Variants in GALNTL6 observed in about 807,000 individuals in gnomAD.
The protein encoded by GALNTL6 is polypeptide N-acetylgalactosaminyltransferase-like 6.
A neutral mutation model predicts 73.7 loss-of-function variants in GALNTL6; 46 were observed. The ratio of observed to expected loss-of-function variants is 0.62; its 90% CI spans 0.49 to 0.80. The LOEUF (loss-of-function observed/expected upper bound fraction) is 0.80, where lower values mean the gene tolerates loss of function less well. Ranked by LOEUF, GALNTL6 falls within the 30% of genes least tolerant of loss-of-function variation. GALNTL6 has a pLI of 0.00. For missense variants in GALNTL6, 604 were observed against 755.0 expected, an observed-to-expected ratio of 0.80 and a Z score of 2.34; for synonymous variants, 259 against 263.7, an observed-to-expected ratio of 0.98 and a Z score of 0.17.
chr4:172,599,244 A>G (rs1351378520), intron 5 of GALNTL6, among the ~76,000 whole-genome samples: 4 of 152,154 alleles, frequency 2.6e-5, no homozygotes, highest in African/African-American at 9.7e-5. Flanking sequence ...CAGACCAAGT[A>G]TGTCCTGCTC....
At chr4:172,159,666 TTTG>T (rs1734393561) in intron 2 of GALNTL6, among the ~76,000 whole-genome samples, 1 of 152,102 alleles carries the variant, frequency 6.6e-6, no homozygotes, top group Non-Finnish European at 1.5e-5. Flanking sequence ...AGGCTGGAGT[TTTG>T]TTAAGTGAGG....
At chr4:172,851,012 A>T (rs972215529) in intron 7 of GALNTL6, among the ~76,000 whole-genome samples, 1 of 152,112 alleles carries the variant, frequency 6.6e-6, no homozygotes, top group East Asian at 1.9e-4. Context: ...TGGCAGTTTC[A>T]TCACATAGGC....
intron 2 of GALNTL6, among the ~76,000 whole-genome samples, chr4:172,065,439 G>A (rs1312736449): frequency 3.3e-5 from 5 of 152,050 alleles, no homozygotes; most frequent in East Asian, 3.9e-4. Flanking sequence ...GGGGACCCCT[G>A]CACTGTATTA....
intron 7 of GALNTL6, among the ~76,000 whole-genome samples, chr4:172,847,006 A>G (rs1710918155): frequency 6.6e-6 from 1 of 151,720 alleles, no homozygotes; most frequent in African/African-American, 2.4e-5. Flanking sequence ...TGTTCCTGAC[A>G]TAGGTTTTTG....
intron 3 of GALNTL6, among the ~76,000 whole-genome samples, chr4:172,296,299 AT>A (rs1739670339): frequency 1.3e-5 from 2 of 152,286 alleles, no homozygotes; most frequent in African/African-American, 4.8e-5. Context: ...CCAACATTGT[AT>A]TTTTGGAATA....
At chr4:172,710,093 A>C (rs945651115) in intron 5 of GALNTL6, among the ~76,000 whole-genome samples, 1 of 152,150 alleles carries the variant, frequency 6.6e-6, no homozygotes, top group Non-Finnish European at 1.5e-5. Flanking sequence ...ACTATAATAG[A>C]TACATTAAAA....
chr4:172,253,183 G>T (rs536561327), intron 3 of GALNTL6, among the ~76,000 whole-genome samples: 28 of 151,726 alleles, frequency 1.8e-4, no homozygotes, highest in Non-Finnish European at 1.8e-4. Context: ...ATTAAAAATG[G>T]CAGTAAACAA....
intron 2 of GALNTL6, among the ~76,000 whole-genome samples, chr4:171,880,116 G>GTTTTTT (rs1736397263): frequency 1.3e-5 from 2 of 152,120 alleles, no homozygotes; most frequent in African/African-American, 4.8e-5. Context: ...AAAAAGGAAA[G>GTTTTTT]TCTTCCATGT....
At chr4:172,808,979 G>A (rs1741131813) in intron 5 of GALNTL6, among the ~76,000 whole-genome samples, 1 of 152,168 alleles carries the variant, frequency 6.6e-6, no homozygotes, top group African/African-American at 2.4e-5. Flanking sequence ...AAGCCTTGCT[G>A]TAGAGAGCTC....
chr4:172,791,116 T>C (rs1739973146), intron 5 of GALNTL6, among the ~76,000 whole-genome samples: 1 of 151,850 alleles, frequency 6.6e-6, no homozygotes, highest in South Asian at 2.1e-4. Flanking sequence ...GGGAAGACAA[T>C]GTAATGACAG....
rs1462721242 is a variant in GALNTL6 at position 171,991,726 on chromosome 4, GTGTGTATATATA to G, written c.138+177010_138+177021del. ...AGTTTGATTATATGTGTGTGTGTGT[GTGTGTATATATA>G]TATATATATATATATATACACATAT... On this transcript the variant is annotated intron_variant, in intron 2 of 12. Transcript: ENST00000506823. Among the ~76,000 whole-genome samples the G allele has an allele frequency of 9.6e-3, 286 of 29,700 alleles. 1 individual carries two copies. The highest frequency in any genetic ancestry group is 0.03 in the African/African-American group (265 of 8,902). 19.5% of individuals were successfully genotyped at this position (29,700 alleles called of 152,430 possible).
intron 2 of GALNTL6, among the ~76,000 whole-genome samples, chr4:172,081,899 CAG>C (rs1338025784): frequency 4.8e-5 from 7 of 147,286 alleles, no homozygotes; most frequent in African/African-American, 1.8e-4. Flanking sequence ...TAAATTGAGA[CAG>C]AGTCTCGCTC....
chr4:172,980,046 TAG>T (rs1222792367), intron 10 of GALNTL6, among the ~76,000 whole-genome samples: 1 of 152,228 alleles, frequency 6.6e-6, no homozygotes, highest in African/African-American at 2.4e-5. Context: ...CGGTGTGAGA[TAG>T]AGTCAGCTCT....
intron 2 of GALNTL6, among the ~76,000 whole-genome samples, chr4:172,103,934 T>A (rs115228372): frequency 2.3e-4 from 25 of 108,364 alleles, no homozygotes; most frequent in African/African-American, 8.6e-4. Flanking sequence ...TTTTGTTTTT[T>A]TCTTTTCTTT....
chr4:172,787,121 C>T (rs985708551), intron 5 of GALNTL6, among the ~76,000 whole-genome samples: 2 of 152,112 alleles, frequency 1.3e-5, no homozygotes, highest in African/African-American at 4.8e-5. Context: ...ACACAAAATT[C>T]CAGGAAATGC....
At chr4:172,159,314 G>C (rs1734382185) in intron 2 of GALNTL6, among the ~76,000 whole-genome samples, 1 of 152,148 alleles carries the variant, frequency 6.6e-6, no homozygotes, top group Non-Finnish European at 1.5e-5. Flanking sequence ...GAGCAAATCG[G>C]TTATTGTCCA....
At chr4:172,716,034 A>C (rs1006875362) in intron 5 of GALNTL6, among the ~76,000 whole-genome samples, 16 of 152,140 alleles carry the variant, frequency 1.1e-4, no homozygotes, top group African/African-American at 3.9e-4. Context: ...GCTTTCCACA[A>C]CTGTAGCAAT....
At chr4:172,352,330 A>G (rs1407424579) in intron 5 of GALNTL6, among the ~76,000 whole-genome samples, 2 of 152,166 alleles carry the variant, frequency 1.3e-5, no homozygotes, top group South Asian at 2.1e-4. Context: ...ACATAAGTCC[A>G]CCATCTATAA....
intron 5 of GALNTL6, among the ~76,000 whole-genome samples, chr4:172,696,152 T>C (rs1162572062): frequency 6.6e-6 from 1 of 152,184 alleles, no homozygotes; most frequent in East Asian, 1.9e-4. Context: ...TAGCTCTAAA[T>C]TTCCAGTGGC....
Sources: allele counts gnomAD v4.1 joint callset (sites outside exome capture counted in the v4.1 genomes callset), GRCh38; gene constraint gnomAD v4.1.1; transcripts MANE v1.5; gene names NCBI Gene and HGNC (gene_info 2026-07-23, HGNC 2026-07-21).